The following DPY19L2 variants were observed in gnomAD, a reference collection of about 807,000 sequenced individuals.
DPY19L2 encodes the protein dpy-19 like 2.
In DPY19L2, 34 loss-of-function variants were observed where a neutral mutation model predicts 97.9. That is an observed-to-expected ratio of 0.35 (90% CI 0.26 to 0.46). The LOEUF (loss-of-function observed/expected upper bound fraction) is 0.46, where lower values mean the gene tolerates loss of function less well. Among genes scored for constraint, DPY19L2 ranks in the 20% least tolerant of loss-of-function variants. DPY19L2 has a pLI of 1.00. For synonymous variants in DPY19L2, 230 were observed against 307.9 expected, an observed-to-expected ratio of 0.75 and a Z score of 2.65; for missense variants, 623 against 911.4, an observed-to-expected ratio of 0.68 and a Z score of 4.07.
rs1888017855 is a variant in DPY19L2, at chr12:63,617,339, A to G, written c.1183T>C (p.Ser395Pro). 6.3e-7 allele frequency: 1 copy of G among 1,594,752 alleles called. No homozygotes were observed. The highest frequency in any genetic ancestry group is 8.6e-7 in the Non-Finnish European group (1 of 1,166,024). The change falls in exon 11 of 22, where the codon TCT (serine) becomes CCT (proline). Residue 395 changes from serine to proline, a missense_variant. Transcript: ENST00000324472. ...ILMFGNSMYL[S>P]SYYSSSLLMT... ...AACAAAGATGAAGAATAATAAGAAG[A>G]TAAGTACATTGAATTTCCAAACATC...
chr12:63,592,138 G>C, intron 16 of DPY19L2, among the ~76,000 whole-genome samples: 1 of 143,460 alleles, frequency 7.0e-6, no homozygotes, highest in Non-Finnish European at 1.5e-5. Flanking sequence ...AGACAAGACA[G>C]AGAGAGAGAG....
intron 12 of DPY19L2, among the ~76,000 whole-genome samples, chr12:63,604,149 C>T (rs1305569220): frequency 1.3e-5 from 2 of 152,194 alleles, no homozygotes; most frequent in East Asian, 1.9e-4. Context: ...TTCATCTTGA[C>T]AAATGTTCTG....
chr12:63,637,612 A>G (rs1171595335), intron 6 of DPY19L2, among the ~76,000 whole-genome samples: 2 of 152,198 alleles, frequency 1.3e-5, no homozygotes, highest in Admixed American at 1.3e-4. Context: ...AATCTAGAAG[A>G]AATGGATAAA....
intron 4 of DPY19L2, among the ~76,000 whole-genome samples, chr12:63,651,361 G>T (rs1272922176): frequency 6.6e-6 from 1 of 152,014 alleles, no homozygotes; most frequent in African/African-American, 2.4e-5. Context: ...TCATGATGAA[G>T]ATGCCAAAAG....
chr12:63,635,952 G>T (rs936969285), intron 6 of DPY19L2, among the ~76,000 whole-genome samples: 1 of 152,042 alleles, frequency 6.6e-6, no homozygotes, highest in African/African-American at 2.4e-5. Context: ...TCCTCAAGAA[G>T]AGCAACCCCA....
In DPY19L2 at chr12:63,636,710, G is replaced by T. The variant is rs1451480970; in HGVS notation, c.803+7693C>A. ...AGAAGGCCATTACATAATGGTAAAG[G>T]GATCAATTCAACAAGAAGAGCTAAC... On this transcript the variant is annotated intron_variant, in intron 6 of 21. Coordinates refer to ENST00000324472, the MANE Select transcript of DPY19L2 (RefSeq NM_173812.5). 2.6e-5 allele frequency among the ~76,000 whole-genome samples: 4 copies of T among 152,016 alleles called. No homozygotes were observed. The East Asian group carries it at 7.7e-4, about 29-fold the overall frequency.
At position 63,665,516 on chromosome 12, in the gene DPY19L2, A is replaced by G. The variant is rs189125449; in HGVS notation, c.362+319T>C. On this transcript the variant is annotated intron_variant, in intron 2 of 21. Transcript: ENST00000324472. ...ATTTCACTAGCAACATATAATTACCATAAAATAAAGGAAGGTTTTAAATGA... is the reference window on the plus strand; with the variant it reads ...ATTTCACTAGCAACATATAATTACCGTAAAATAAAGGAAGGTTTTAAATGA... Among the ~76,000 whole-genome samples, 178 of 152,152 alleles carry G rather than the reference A, an allele frequency of 1.2e-3. 1 individual carries two copies. The highest frequency in any genetic ancestry group is 2.1e-3 in the Admixed American group (32 of 15,290).
intron 6 of DPY19L2, among the ~76,000 whole-genome samples, chr12:63,631,484 G>A (rs1213645970): frequency 6.6e-6 from 1 of 152,004 alleles, no homozygotes; most frequent in African/African-American, 2.4e-5. Flanking sequence ...TAAATTCCTG[G>A]AAATATACAC....
intron 16 of DPY19L2, among the ~76,000 whole-genome samples, chr12:63,592,796 A>C (rs1236618419): frequency 6.6e-6 from 1 of 152,108 alleles, no homozygotes; most frequent in Non-Finnish European, 1.5e-5. Flanking sequence ...AATGGGATCT[A>C]ATTAAACTAC....
chr12:63,580,067 A>G (rs937583419), intron 19 of DPY19L2, among the ~76,000 whole-genome samples: 6 of 152,184 alleles, frequency 3.9e-5, no homozygotes, highest in Non-Finnish European at 7.3e-5. Flanking sequence ...GAATAAAAAC[A>G]GGAAGAAAAG....
chr12:63,585,597 G>A (rs537468363), intron 16 of DPY19L2, among the ~76,000 whole-genome samples: 1 of 152,208 alleles, frequency 6.6e-6, no homozygotes, highest in East Asian at 1.9e-4. Context: ...TTCCTGTAGT[G>A]AGCTGCATGC....
chr12:63,560,578 T>C lies in DPY19L2; in HGVS notation c.2211A>G (p.Glu737=). 2 of 1,614,070 alleles carry C rather than the reference T, an allele frequency of 1.2e-6. No individual in the cohort carries two copies. Among genetic ancestry groups the C allele is most frequent in the Non-Finnish European group, 1.7e-6 (2 of 1,179,954 alleles). Residue 737 remains glutamate (E), a synonymous_variant, in exon 22 of 22, where the codon GAA becomes GAG. Coordinates refer to ENST00000324472, the MANE Select transcript of DPY19L2 (RefSeq NM_173812.5). ...CTGTGGTGAAGTAAGGCCTGGCGTC[T>C]TCGAGCAGGACGCTACATAAGGGAG... The part of the protein sequence containing the change: ...ANPPLCSVLL[E]DARPYFTTVF...
intron 6 of DPY19L2, among the ~76,000 whole-genome samples, chr12:63,627,437 C>G (rs1453349383): frequency 6.6e-6 from 1 of 152,074 alleles, no homozygotes; most frequent in Admixed American, 6.5e-5. Flanking sequence ...GCAACCTCTG[C>G]CTCCCTGGTT....
chr12:63,666,595 G>A (rs11832468), intron 1 of DPY19L2: 56,866 of 334,258 alleles, frequency 0.17, 5,052 homozygotes, highest in East Asian at 0.28. Flanking sequence ...AATAGAACAA[G>A]TTAAAACACC....
chr12:63,629,248 T>C (rs7972992), intron 6 of DPY19L2, among the ~76,000 whole-genome samples: 42,219 of 151,764 alleles, frequency 0.28, 6,578 homozygotes, highest in African/African-American at 0.42. Flanking sequence ...GAAGAAGGCT[T>C]CAGATGATCG....
chr12:63,616,672 G>A lies in DPY19L2; in HGVS notation c.1218+632C>T, dbSNP rs553781424. On this transcript the variant is annotated intron_variant, in intron 11 of 21. Transcript: ENST00000324472. ...AAGAGTGTCATTCCATGTAGTTCCC[G>A]TGAGGAGACTGCACACTTATTCTAA... Among the ~76,000 whole-genome samples the A allele has an allele frequency of 7.9e-5, 12 of 152,240 alleles. No individual in the cohort carries two copies. The East Asian group carries it at 1.5e-3, about 20-fold the overall frequency.
chr12:63,634,172 C>A (rs929665253), intron 6 of DPY19L2, among the ~76,000 whole-genome samples: 1 of 152,060 alleles, frequency 6.6e-6, no homozygotes, highest in African/African-American at 2.4e-5. Flanking sequence ...ATGTAACTAA[C>A]CTGCACGTTG....
intron 11 of DPY19L2, among the ~76,000 whole-genome samples, chr12:63,610,587 G>A (rs1167525776): frequency 6.6e-6 from 1 of 150,834 alleles, no homozygotes; most frequent in African/African-American, 2.4e-5. Flanking sequence ...AAACTCAACA[G>A]ATCTATAACT....
intron 4 of DPY19L2, among the ~76,000 whole-genome samples, chr12:63,653,526 C>T (rs979740598): frequency 1.3e-5 from 2 of 151,512 alleles, no homozygotes; most frequent in East Asian, 1.9e-4. Flanking sequence ...CCAGCCTGGG[C>T]GACAGAGTGA....
Sources: gnomAD v4.1 joint callset for allele counts (sites outside exome capture counted in the v4.1 genomes callset) on GRCh38, gnomAD v4.1.1 for gene constraint, MANE v1.5 for transcripts, NCBI Gene and HGNC (gene_info 2026-07-23, HGNC 2026-07-21) for gene names.